BBOX1: variants seen among roughly 807,000 people sequenced by gnomAD.
BBOX1 encodes gamma-butyrobetaine dioxygenase.
In BBOX1, 35 loss-of-function variants were observed where a neutral mutation model predicts 41.6. That is an observed-to-expected ratio of 0.84 (90% CI 0.64 to 1.11). The LOEUF (loss-of-function observed/expected upper bound fraction) is 1.11. Ranked by LOEUF, BBOX1 falls within the 50% of genes most tolerant of loss-of-function variation. The pLI is 0.00. For missense variants in BBOX1, 458 were observed against 460.6 expected, an observed-to-expected ratio of 0.99 and a Z score of 0.05; for synonymous variants, 163 against 154.7, an observed-to-expected ratio of 1.05 and a Z score of -0.40.
chr11:27,083,165 T>C (rs953355307), intron 4 of BBOX1, among the ~76,000 whole-genome samples: 1 of 152,176 alleles, frequency 6.6e-6, no homozygotes, highest in African/African-American at 2.4e-5. Flanking sequence ...CAATCTCATT[T>C]TTCAGGGGTT....
intron 4 of BBOX1, among the ~76,000 whole-genome samples, chr11:27,065,080 C>T (rs1359981378): frequency 6.6e-6 from 1 of 152,140 alleles, no homozygotes; most frequent in Non-Finnish European, 1.5e-5. Context: ...TTGGGGAAGG[C>T]CTATTCCCAT....
intron 2 of BBOX1, among the ~76,000 whole-genome samples, chr11:27,053,428 G>T (rs1856876324): frequency 6.6e-6 from 1 of 152,154 alleles, no homozygotes; most frequent in African/African-American, 2.4e-5. Flanking sequence ...CATTCTTATA[G>T]GGTTTTAAAA....
chr11:27,125,870 C>G, intron 8 of BBOX1, 50 bp downstream of exon 8: 1 of 1,562,474 alleles, frequency 6.4e-7, no homozygotes, highest in Non-Finnish European at 8.7e-7. Context: ...TTTTCTTCAA[C>G]CTTAACCACC....
At chr11:27,091,818 T>C (rs1303041642) in intron 4 of BBOX1, among the ~76,000 whole-genome samples, 3 of 151,972 alleles carry the variant, frequency 2.0e-5, no homozygotes, top group Non-Finnish European at 4.4e-5. Context: ...ATTAGCATAG[T>C]AAAAAATAAT....
intron 2 of BBOX1, among the ~76,000 whole-genome samples, chr11:27,046,494 C>G (rs1851492665): frequency 6.6e-6 from 1 of 151,438 alleles, no homozygotes; most frequent in Admixed American, 6.6e-5. Context: ...GTAAAAGAAA[C>G]CTATCCCATC....
intron 2 of BBOX1, among the ~76,000 whole-genome samples, chr11:27,046,557 A>G (rs1302587950): frequency 6.6e-6 from 1 of 152,144 alleles, no homozygotes; most frequent in Admixed American, 6.6e-5. Flanking sequence ...AGGTGAAACT[A>G]CTGTTTCCCA....
chr11:27,126,831 C>G (rs969815159), intron 8 of BBOX1, among the ~76,000 whole-genome samples: 1 of 151,904 alleles, frequency 6.6e-6, no homozygotes, highest in African/African-American at 2.4e-5. Context: ...ACTGCCACCA[C>G]GCCTGGCTAA....
chr11:27,077,114 G>A (rs1253368997), intron 4 of BBOX1, among the ~76,000 whole-genome samples: 2 of 152,190 alleles, frequency 1.3e-5, no homozygotes, highest in East Asian at 3.9e-4. Flanking sequence ...GTCTGCACTT[G>A]AGATTATATC....
intron 5 of BBOX1, among the ~76,000 whole-genome samples, chr11:27,103,231 T>G (rs1858729184): frequency 6.6e-6 from 1 of 152,156 alleles, no homozygotes; most frequent in Admixed American, 6.5e-5. Flanking sequence ...GAATTTGTGT[T>G]GTTGTTGTTT....
chr11:27,085,611 C>T (rs966971498), intron 4 of BBOX1, among the ~76,000 whole-genome samples: 1 of 149,512 alleles, frequency 6.7e-6, no homozygotes, highest in Non-Finnish European at 1.5e-5. Context: ...CTCCCTGTTC[C>T]CTGAGAGACA....
At chr11:27,078,870 A>G (rs1316046844) in intron 4 of BBOX1, among the ~76,000 whole-genome samples, 2 of 152,120 alleles carry the variant, frequency 1.3e-5, no homozygotes, top group Non-Finnish European at 2.9e-5. Flanking sequence ...CACTTTTTCC[A>G]TATTTAAAAG....
At chr11:27,083,680 C>G in intron 4 of BBOX1, among the ~76,000 whole-genome samples, 1 of 152,154 alleles carries the variant, frequency 6.6e-6, no homozygotes, top group Non-Finnish European at 1.5e-5. Context: ...CCTCATAGCA[C>G]TTGCCAAAAT....
At chr11:27,057,098 T>G in intron 3 of BBOX1, 103 bp from the exon 4 acceptor site, 1 of 326,858 alleles carries the variant, frequency 3.1e-6, no homozygotes, top group Admixed American at 4.9e-5. Flanking sequence ...AAGCAAAGCA[T>G]AATTGGATTC....
chr11:27,126,925 C>T (rs1859681342), intron 8 of BBOX1, among the ~76,000 whole-genome samples: 1 of 152,174 alleles, frequency 6.6e-6, no homozygotes, highest in Admixed American at 6.5e-5. Context: ...CCGCCCACCT[C>T]GGCCTCCCAA....
chr11:27,057,234 G>C lies in BBOX1; in HGVS notation c.253G>C (p.Glu85Gln), dbSNP rs978954275. ...YITWPDEHYSEFQADWLKKRC... is the reference protein window; with the variant it reads ...YITWPDEHYSQFQADWLKKRC... ...CACATGGCCCGATGAGCATTACAGTGAATTCCAGGCTGATTGGCTGAAGAA... is the reference window on the plus strand; with the variant it reads ...CACATGGCCCGATGAGCATTACAGTCAATTCCAGGCTGATTGGCTGAAGAA... The change falls in exon 4 of 9, where the codon GAA becomes CAA. Residue 85 changes from glutamate to glutamine, a missense_variant. Transcript: ENST00000263182. 3.7e-6 allele frequency: 6 copies of C among 1,611,194 alleles called. No homozygotes were observed. The East Asian group carries it at 8.9e-5, about 24-fold the overall frequency.
At chr11:27,078,250 A>G (rs941115970) in intron 4 of BBOX1, among the ~76,000 whole-genome samples, 11 of 152,210 alleles carry the variant, frequency 7.2e-5, no homozygotes, top group Non-Finnish European at 1.3e-4. Context: ...AGCCTAGGAA[A>G]TAGGCATCAC....
Position 27,057,285 on chromosome 11 carries a change from G to A in BBOX1, c.304G>A (p.Ala102Thr). 6.2e-7 allele frequency: 1 copy of A among 1,612,286 alleles called. No homozygotes were observed. The highest frequency in any genetic ancestry group is 8.5e-7 in the Non-Finnish European group (1 of 1,179,426). ...AAGATGCTTTTCCAAGCAGGCCAGA[G>A]CAAAGCTCCAAAGAGAATTGTTTTT... ...KKRCFSKQARAKLQRELFFPE... is the reference protein window; with the variant it reads ...KKRCFSKQARTKLQRELFFPE... Residue 102 changes from alanine (A) to threonine (T), a missense_variant, in exon 4 of 9, where the codon GCA becomes ACA. Coordinates refer to ENST00000263182, the MANE Select transcript of BBOX1 (RefSeq NM_003986.3).
intron 4 of BBOX1, among the ~76,000 whole-genome samples, chr11:27,087,299 T>TA (rs1392936037): frequency 2.6e-5 from 4 of 151,988 alleles, no homozygotes; most frequent in Non-Finnish European, 5.9e-5. Flanking sequence ...ACTGTTGTCT[T>TA]AAGAAACTGC....
chr11:27,105,626 C>G (rs915373160), intron 5 of BBOX1, among the ~76,000 whole-genome samples: 1 of 152,094 alleles, frequency 6.6e-6, no homozygotes, highest in Admixed American at 6.6e-5. Context: ...ATTGGGGTAC[C>G]TGAAAGTGAC....
Sources: allele counts gnomAD v4.1 joint callset (sites outside exome capture counted in the v4.1 genomes callset), GRCh38; gene constraint gnomAD v4.1.1; transcripts MANE v1.5; gene names NCBI Gene and HGNC (gene_info 2026-07-23, HGNC 2026-07-21).